PCDHGB2: variants seen among roughly 807,000 people sequenced by gnomAD.
PCDHGB2 encodes the protein protocadherin gamma-B2.
In PCDHGB2, 55 loss-of-function variants were observed where a neutral mutation model predicts 59.3. That is an observed-to-expected ratio of 0.93 (90% CI 0.75 to 1.16). The LOEUF (loss-of-function observed/expected upper bound fraction) is 1.16. Among genes scored for constraint, PCDHGB2 ranks in the 50% most tolerant of loss-of-function variants. The probability of loss-of-function intolerance (pLI) is 0.00; values close to 1 mark genes in which losing one functional copy is unlikely to be tolerated. For missense variants in PCDHGB2, 1,228 were observed against 1,198.5 expected (o/e 1.02, Z -0.36); for synonymous variants, 516 against 512.0 (o/e 1.01, Z -0.11).
At chr5:141,364,106 G>A (rs1763173743) in intron 1 of PCDHGB2, 1 of 439,014 alleles carries the variant, frequency 2.3e-6, no homozygotes, top group African/African-American at 2.0e-5. Context: ...GCAGTCACTG[G>A]TTAGGACTCT....
chr5:141,386,424 C>A (rs1233589909), intron 1 of PCDHGB2, among the ~76,000 whole-genome samples: 1 of 151,904 alleles, frequency 6.6e-6, no homozygotes, highest in Non-Finnish European at 1.5e-5. Flanking sequence ...AAGCTGTAGC[C>A]CACCTGCATG....
At chr5:141,388,773 GGGGAAATTACT>G (rs1376289371) in intron 1 of PCDHGB2, 2 of 1,613,690 alleles carry the variant, frequency 1.2e-6, no homozygotes, top group African/African-American at 2.7e-5. Context: ...CTCTAACACC[GGGGAAATTACT>G]GTTTTAAATA....
In PCDHGB2 at chr5:141,485,624, C is replaced by T; in HGVS notation, c.2422-9183C>T. 1 of 1,611,640 alleles carries T rather than the reference C, an allele frequency of 6.2e-7. No homozygotes were observed. The highest frequency in any genetic ancestry group is 1.1e-5 in the South Asian group (1 of 90,868). The stretch of plus-strand genomic sequence containing the variant: ...TGGGGAGGCAGCTCCTCCAGGACAG[C>T]GTTTCCCGTTGGAAAAGGCTCAGGA... On this transcript the variant is annotated intron_variant, in intron 1 of 3. Transcript: ENST00000522605. This position sits in a 1 kb window ranked among gnomAD's most constrained non-coding sequence, Gnocchi z 5.7.
chr5:141,423,117 G>T, intron 1 of PCDHGB2: 1 of 1,613,816 alleles, frequency 6.2e-7, no homozygotes, highest in Non-Finnish European at 8.5e-7. Flanking sequence ...TGCGTACAGC[G>T]CGGGCACTGC....
chr5:141,373,848 C>A, intron 1 of PCDHGB2: 3 of 446,942 alleles, frequency 6.7e-6, no homozygotes, highest in Non-Finnish European at 7.9e-6. Flanking sequence ...GGACTCTAAG[C>A]GTCGCTGTTG....
chr5:141,450,386 A>T (rs1208546397), intron 1 of PCDHGB2, among the ~76,000 whole-genome samples: 2 of 152,192 alleles, frequency 1.3e-5, no homozygotes, highest in Non-Finnish European at 2.9e-5. Flanking sequence ...TGAAACTGAC[A>T]TTTGTAAAGA....
chr5:141,409,409 A>C, intron 1 of PCDHGB2: 4 of 1,614,046 alleles, frequency 2.5e-6, no homozygotes, highest in Non-Finnish European at 3.4e-6. Flanking sequence ...TAACTACTAC[A>C]AACTGGTGAC....
At chr5:141,444,152 A>ATTTTTTTTTTTT (rs747671382) in intron 1 of PCDHGB2, among the ~76,000 whole-genome samples, 4 of 33,898 alleles carry the variant, frequency 1.2e-4, no homozygotes, top group Admixed American at 3.9e-4. Flanking sequence ...TGTGTACTGG[A>ATTTTTTTTTTTT]TTTTTTTTTT....
intron 1 of PCDHGB2, chr5:141,439,807 G>A (rs2098132839): frequency 6.6e-6 from 1 of 152,336 alleles, no homozygotes; most frequent in African/African-American, 2.4e-5. Context: ...AGTTTGAAAA[G>A]GGGCTTATTT....
At chr5:141,428,008 T>C (rs2097099623) in intron 1 of PCDHGB2, 4 of 1,601,848 alleles carry the variant, frequency 2.5e-6, no homozygotes, top group Admixed American at 3.3e-5. Context: ...CTCTTCGATA[T>C]AGTGCCACGC....
rs138087785 is a variant in PCDHGB2, at chr5:141,383,992, G to T, written c.2421+21436G>T. 9.8e-5 allele frequency: 158 copies of T among 1,613,878 alleles called. No homozygotes were observed. The East Asian group carries it at 3.5e-3, about 35-fold the overall frequency. On this transcript the variant is annotated intron_variant, in intron 1 of 3. Coordinates refer to ENST00000522605, the MANE Select transcript of PCDHGB2 (RefSeq NM_018923.3). Reference sequence around the variant, plus strand: ...CCCTGAAGACACACCTCTTGGGACAGTCATTGCTCTTTTCTACCTACAAGA... The same window carrying T: ...CCCTGAAGACACACCTCTTGGGACATTCATTGCTCTTTTCTACCTACAAGA...
chr5:141,409,275 A>G (rs1266955919), intron 1 of PCDHGB2: 1 of 1,614,020 alleles, frequency 6.2e-7, no homozygotes, highest in South Asian at 1.1e-5. Flanking sequence ...CAGATTTTGG[A>G]GAATTCACCT....
intron 1 of PCDHGB2, chr5:141,418,232 G>A (rs1034684988): frequency 6.2e-7 from 1 of 1,614,066 alleles, no homozygotes; most frequent in Non-Finnish European, 8.5e-7. Flanking sequence ...GGTGATTGAG[G>A]ATGTTAATGA....
At chr5:141,375,806 G>C (rs1223554303) in intron 1 of PCDHGB2, 1 of 1,614,088 alleles carries the variant, frequency 6.2e-7, no homozygotes, top group African/African-American at 1.3e-5. Context: ...TTCCACTGGC[G>C]TGGAGCTGGC....
chr5:141,381,798 CTCTTTCTTTCTT>C (rs372235829), intron 1 of PCDHGB2, among the ~76,000 whole-genome samples: 1 of 144,134 alleles, frequency 6.9e-6, no homozygotes, highest in Non-Finnish European at 1.5e-5. Flanking sequence ...AGGCAATTCC[CTCTTTCTTTCTT>C]TCTTTCTTTC....
rs747077639 is a variant in PCDHGB2, at chr5:141,432,371, G to C, written c.2422-62436G>C. 2 of 1,614,234 alleles carry C rather than the reference G, an allele frequency of 1.2e-6. No individual in the cohort carries two copies. The highest frequency in any genetic ancestry group is 1.6e-4 in the Middle Eastern group (1 of 6,062). ...AGTGAAAGTGATGGCGCGGGACAAC[G>C]GGCACCCGCCCCTCAGCAGCAACGT... On this transcript the variant is annotated intron_variant, in intron 1 of 3. Transcript: ENST00000522605. The surrounding 1 kb of genome is among the most constrained non-coding windows in gnomAD (Gnocchi z 6.0).
chr5:141,498,960 G>GGAGA (rs1381042115), intron 2 of PCDHGB2, among the ~76,000 whole-genome samples: 9 of 118,744 alleles, frequency 7.6e-5, no homozygotes, highest in African/African-American at 2.8e-4. Context: ...AGAGAGAGAG[G>GGAGA]GAGGGAGGGA....
intron 1 of PCDHGB2, chr5:141,422,940 C>T (rs769630623): frequency 2.0e-5 from 32 of 1,614,124 alleles, no homozygotes; most frequent in Admixed American, 5.0e-5. Flanking sequence ...TCCCCACAGA[C>T]GGCTCCACTG....
intron 1 of PCDHGB2, chr5:141,419,094 G>A (rs1241481126): frequency 2.5e-6 from 4 of 1,613,776 alleles, no homozygotes; most frequent in South Asian, 1.1e-5. Flanking sequence ...GCCCTGGATC[G>A]GGAGCAGACC....
Sources: allele counts gnomAD v4.1 joint callset (sites outside exome capture counted in the v4.1 genomes callset), GRCh38; gene constraint gnomAD v4.1.1; non-coding constraint Gnocchi (gnomAD v3.1); transcripts MANE v1.5; gene names NCBI Gene and HGNC (gene_info 2026-07-23, HGNC 2026-07-21).